The following MYH10 variants were observed in gnomAD, a reference collection of about 807,000 sequenced individuals.
MYH10 encodes the protein myosin-10.
In MYH10, 55 loss-of-function variants were observed where a neutral mutation model predicts 257.8. The observed-to-expected ratio is 0.21, with a 90% CI of 0.17 to 0.27. The LOEUF is 0.27. Ranked by LOEUF, MYH10 falls within the 10% of genes least tolerant of loss-of-function variation. The pLI is 1.00. For synonymous variants in MYH10, 854 were observed against 921.7 expected, an observed-to-expected ratio of 0.93 and a Z score of 1.33; for missense variants, 1,631 against 2,500.6, an observed-to-expected ratio of 0.65 and a Z score of 7.42.
chr17:8,493,978 C>T (rs1173739977), intron 31 of MYH10, 93 bp from the exon 32 acceptor site: 3 of 1,390,442 alleles, frequency 2.2e-6, no homozygotes, highest in South Asian at 2.8e-5. Context: ...ACAAAAGAGA[C>T]AGCCTCAATG....
intron 7 of MYH10, chr17:8,560,328 T>C (rs73248099): frequency 0.015 from 2,884 of 196,692 alleles, 77 homozygotes; most frequent in African/African-American, 0.06. Flanking sequence ...AAATCTAAAC[T>C]TAAATGTTAT....
chr17:8,616,268 G>A (rs2152096844), intron 2 of MYH10, among the ~76,000 whole-genome samples: 1 of 151,508 alleles, frequency 6.6e-6, no homozygotes, highest in East Asian at 1.9e-4. Flanking sequence ...GGGTGACAGA[G>A]CAAAACTTTG....
chr17:8,585,475 C>G lies in MYH10; in HGVS notation c.530+3606G>C, dbSNP rs143353686. On this transcript the variant is annotated intron_variant, in intron 4 of 42. Coordinates refer to ENST00000360416, the MANE Select transcript of MYH10 (RefSeq NM_001256012.3). ...TGGCGGTGGACTAAGTTTATGAAGA[C>G]CCCAGTCACACACACTTGGAGTACT... 2.7e-3 allele frequency among the ~76,000 whole-genome samples: 409 copies of G among 151,680 alleles called. 1 individual carries two copies. Among genetic ancestry groups the G allele is most frequent in the African/African-American group, 9.7e-3 (402 of 41,308 alleles).
chr17:8,607,214 A>C (rs2084845996), intron 2 of MYH10, among the ~76,000 whole-genome samples: 1 of 152,170 alleles, frequency 6.6e-6, no homozygotes, highest in South Asian at 2.1e-4. Flanking sequence ...TACAGATTAT[A>C]CTCTTCAATT....
intron 17 of MYH10, among the ~76,000 whole-genome samples, chr17:8,528,392 C>G (rs897455217): frequency 1.3e-5 from 2 of 152,094 alleles, no homozygotes; most frequent in African/African-American, 4.8e-5. Context: ...TCTCTGAGGT[C>G]CAGACTTTCA....
intron 7 of MYH10, among the ~76,000 whole-genome samples, chr17:8,564,518 C>G (rs1023107751): frequency 6.6e-6 from 1 of 152,174 alleles, no homozygotes; most frequent in Non-Finnish European, 1.5e-5. Context: ...AGCATATGCA[C>G]TACCTTCCCC....
At chr17:8,501,285 T>A (rs1421494374) in intron 28 of MYH10, among the ~76,000 whole-genome samples, 4 of 151,922 alleles carry the variant, frequency 2.6e-5, no homozygotes, top group Non-Finnish European at 4.4e-5. Context: ...TGAGACCCTA[T>A]CTTTAAAAAA....
chr17:8,592,380 A>G (rs2084180344), intron 3 of MYH10, among the ~76,000 whole-genome samples: 1 of 152,170 alleles, frequency 6.6e-6, no homozygotes, highest in African/African-American at 2.4e-5. Flanking sequence ...GAGAAGATCA[A>G]TGGTATTGAC....
chr17:8,499,537 C>A, intron 29 of MYH10, 61 bp from the exon 30 acceptor site: 1 of 1,524,832 alleles, frequency 6.6e-7, no homozygotes, highest in Non-Finnish European at 9.1e-7. Context: ...ATACAGAGGA[C>A]TGCTTTTTGA....
At chr17:8,561,403 T>C in intron 7 of MYH10, 1 of 1,051,544 alleles carries the variant, frequency 9.5e-7, no homozygotes, top group African/African-American at 1.5e-5. Flanking sequence ...AGCAAGTGTC[T>C]TCGATGCCTA....
chr17:8,621,652 G>A (rs922817717), intron 2 of MYH10, among the ~76,000 whole-genome samples: 1 of 151,956 alleles, frequency 6.6e-6, no homozygotes, highest in Non-Finnish European at 1.5e-5. Flanking sequence ...TCAAGCCACC[G>A]TTCCAACCCT....
At chr17:8,590,924 G>C (rs548634973) in intron 3 of MYH10, among the ~76,000 whole-genome samples, 7 of 125,554 alleles carry the variant, frequency 5.6e-5, no homozygotes, top group Non-Finnish European at 1.1e-4. Context: ...CCAGGCTGGA[G>C]TGCAGTGGCG....
intron 14 of MYH10, among the ~76,000 whole-genome samples, chr17:8,539,288 G>A (rs527574670): frequency 3.9e-5 from 6 of 152,126 alleles, no homozygotes; most frequent in Admixed American, 1.3e-4. Flanking sequence ...CACTTTCAAC[G>A]TGCTGTTCAC....
In MYH10 at chr17:8,504,998, C is replaced by T. The variant is rs530298177; in HGVS notation, c.3387-92G>A. On this transcript the variant is annotated intron_variant, in intron 27 of 42. Coordinates refer to ENST00000360416, the MANE Select transcript of MYH10 (RefSeq NM_001256012.3). The surrounding 1 kb of genome is among the most constrained non-coding windows in gnomAD (Gnocchi z 5.6). ...GCCCCAGCCCCTGAGCACCTCTCCACGAGACCCCAGCCCCACATCCCTCCT... is the reference window on the plus strand; with the variant it reads ...GCCCCAGCCCCTGAGCACCTCTCCATGAGACCCCAGCCCCACATCCCTCCT... 40 of 1,036,766 alleles carry T rather than the reference C, an allele frequency of 3.9e-5. No individual in the cohort carries two copies. The highest frequency in any genetic ancestry group is 4.7e-5 in the Non-Finnish European group (32 of 678,466). 64.2% of individuals were successfully genotyped at this position (1,036,766 alleles called of 1,614,324 possible). A position where few individuals can be genotyped will look rare whatever the true frequency, so the allele number is the denominator to read the frequency against.
At chr17:8,508,764 C>T (rs1019434427) in intron 25 of MYH10, 87 bp from the exon 26 acceptor site, 4 of 1,529,726 alleles carry the variant, frequency 2.6e-6, no homozygotes, top group South Asian at 2.3e-5. Flanking sequence ...AACTTTGACT[C>T]GAGAGAAAAT....
intron 37 of MYH10, 85 bp downstream of exon 37, chr17:8,484,050 GCTA>G (rs1420978983): frequency 7.9e-7 from 1 of 1,267,956 alleles, no homozygotes; most frequent in Admixed American, 2.5e-5. Flanking sequence ...ATTACAGTGG[GCTA>G]CAAATATATT....
At chr17:8,605,550 C>T (rs1454667115) in intron 2 of MYH10, among the ~76,000 whole-genome samples, 2 of 152,050 alleles carry the variant, frequency 1.3e-5, no homozygotes, top group Non-Finnish European at 2.9e-5. Context: ...TCAAGACTAG[C>T]CTGGCCAAGA....
rs1484893979 is a variant in MYH10, at chr17:8,504,561, A to G, written c.3599+133T>C. The G allele has an allele frequency of 1.7e-5, 13 of 747,890 alleles. No homozygotes were observed. The highest frequency in any genetic ancestry group is 2.8e-5 in the Non-Finnish European group (13 of 460,184). The allele number at this position is 747,890 out of a possible 1,614,324, so 46.3% of individuals were successfully genotyped here. A position where few individuals can be genotyped will look rare whatever the true frequency, so the allele number is the denominator to read the frequency against. ...GTCTGTTTCTAACCATTACCATTTA[A>G]TCACCGTTCCACCTGCCATCACAAG... On this transcript the variant is annotated intron_variant, in intron 28 of 42. Transcript: ENST00000360416. The surrounding 1 kb of genome is among the most constrained non-coding windows in gnomAD (Gnocchi z 5.6).
rs958187914 is a variant in MYH10 at position 8,542,263 on chromosome 17, T to C, written c.1449A>G (p.Gln483=). The change falls in exon 14 of 43, where the codon CAA becomes CAG. Residue 483 remains glutamine (Q), a synonymous_variant. Transcript: ENST00000360416. ...FEIFELNSFE[Q]LCINYTNEKL... The stretch of plus-strand genomic sequence containing the variant: ...TCTCATTGGTGTAGTTGATGCAAAG[T>C]TGTTCAAAGGAGTTCAGCTACAAAT... 1.9e-6 allele frequency: 3 copies of C among 1,613,692 alleles called. No homozygotes were observed. Among genetic ancestry groups the C allele is most frequent in the Non-Finnish European group, 2.5e-6 (3 of 1,179,938 alleles).
Sources: gnomAD v4.1 joint callset for allele counts (sites outside exome capture counted in the v4.1 genomes callset) on GRCh38, gnomAD v4.1.1 for gene constraint, Gnocchi (gnomAD v3.1) non-coding constraint, MANE v1.5 for transcripts, NCBI Gene and HGNC (gene_info 2026-07-23, HGNC 2026-07-21) for gene names.